The following DMD variants were observed in gnomAD, a reference collection of about 807,000 sequenced individuals.
DMD encodes mutant dystrophin.
DMD carries 63 observed loss-of-function variants against 330.1 expected under a neutral mutation model. The observed-to-expected ratio is 0.19, with a 90% CI of 0.16 to 0.24. The LOEUF (loss-of-function observed/expected upper bound fraction) is 0.24, where lower values mean the gene tolerates loss of function less well. Ranked by LOEUF, DMD falls within the 10% of genes least tolerant of loss-of-function variation. The pLI, the probability that DMD is intolerant of heterozygous loss-of-function variation, is 1.00. For synonymous variants in DMD, 1,223 were observed against 959.8 expected (o/e 1.27, Z -5.07); for missense variants, 3,344 against 2,684.1 (o/e 1.25, Z -5.43).
At chrX:32,442,352 A>G (rs1001443621) in intron 27 of DMD, among the ~76,000 whole-genome samples, 2 of 111,121 alleles carry the variant, frequency 1.8e-5, no homozygotes, top group African/African-American at 6.5e-5. Context: ...TAATGAAAAG[A>G]AAACCTGAAC....
Position 32,619,938 on chromosome X carries a change from C to A in DMD, c.1332-5485G>T, listed in dbSNP as rs918103538. Among the ~76,000 whole-genome samples, 7 of 111,059 alleles carry A rather than the reference C, an allele frequency of 6.3e-5. No homozygotes were observed. In the Admixed American group the frequency reaches 6.7e-4, roughly 11 times the overall value. On this transcript the variant is annotated intron_variant, in intron 11 of 78. Transcript: ENST00000357033. Reference sequence around the variant, plus strand: ...GCTGTAGTTTAAGAGGAACACAATTCCAGCCACTCCACAGTAAGAAACAGA... The same window carrying A: ...GCTGTAGTTTAAGAGGAACACAATTACAGCCACTCCACAGTAAGAAACAGA...
At chrX:31,970,321 A>G (rs1041293261) in intron 44 of DMD, among the ~76,000 whole-genome samples, 15 of 110,901 alleles carry the variant, frequency 1.4e-4, no homozygotes, top group Non-Finnish European at 2.5e-4. Flanking sequence ...CATCATCACC[A>G]TGGAGTCATT....
chrX:32,585,110 C>T (rs1261016000), intron 13 of DMD, among the ~76,000 whole-genome samples: 1 of 111,034 alleles, frequency 9.0e-6, no homozygotes, highest in Admixed American at 9.6e-5. Flanking sequence ...ACCACATGTT[C>T]TCATTCACAT....
intron 18 of DMD, among the ~76,000 whole-genome samples, chrX:32,512,539 T>G (rs953129477): frequency 1.1e-4 from 12 of 112,453 alleles, no homozygotes; most frequent in Non-Finnish European, 2.1e-4. Flanking sequence ...CACACACACA[T>G]AAAACCAAAG....
chrX:32,660,584 A>G (rs1343048871), intron 9 of DMD, among the ~76,000 whole-genome samples: 2 of 111,542 alleles, frequency 1.8e-5, no homozygotes, highest in Non-Finnish European at 3.8e-5. Flanking sequence ...CATTTTTAAA[A>G]TGCTCTCTCC....
intron 62 of DMD, among the ~76,000 whole-genome samples, chrX:31,299,302 C>G (rs1365588524): frequency 9.0e-6 from 1 of 110,778 alleles, no homozygotes; most frequent in Admixed American, 9.6e-5. Flanking sequence ...TAGAGTAGAA[C>G]AGTTGTATTT....
chrX:32,474,216 C>T (rs1222101585), intron 21 of DMD, among the ~76,000 whole-genome samples: 2 of 107,466 alleles, frequency 1.9e-5, no homozygotes, highest in African/African-American at 6.7e-5. Context: ...CATACACACA[C>T]ACACACACAC....
intron 60 of DMD, among the ~76,000 whole-genome samples, chrX:31,396,200 C>T (rs993648625): frequency 9.4e-6 from 1 of 105,846 alleles, no homozygotes; most frequent in African/African-American, 3.5e-5. Flanking sequence ...TGCAGTGGCG[C>T]GATCTCGGCT....
intron 47 of DMD, among the ~76,000 whole-genome samples, chrX:31,926,760 G>GT (rs1035821912): frequency 1.8e-5 from 2 of 111,808 alleles, no homozygotes; most frequent in African/African-American, 6.5e-5. Flanking sequence ...GCATATTAGA[G>GT]TTAGCTGTGG....
intron 55 of DMD, among the ~76,000 whole-genome samples, chrX:31,618,047 G>C (rs1172618580): frequency 9.0e-6 from 1 of 110,643 alleles, no homozygotes; most frequent in Non-Finnish European, 1.9e-5. Context: ...ACAAAGAAGG[G>C]AACAACAGAA....
intron 48 of DMD, among the ~76,000 whole-genome samples, chrX:31,871,643 C>T (rs1033047498): frequency 4.6e-5 from 5 of 109,415 alleles, no homozygotes; most frequent in African/African-American, 1.7e-4. Context: ...GAGCTAGGGG[C>T]GTGGCTGTTC....
chrX:32,292,302 C>CTTTTTT lies in DMD; in HGVS notation c.6118-4607_6118-4602dup, dbSNP rs10652780. Among the ~76,000 whole-genome samples, 35 of 62,902 alleles carry CTTTTTT rather than the reference C, an allele frequency of 5.6e-4. 5 individuals are homozygous for CTTTTTT. The highest frequency in any genetic ancestry group is 4.8e-3 in the Admixed American group (21 of 4,341). The allele number at this position is 62,902 out of a possible 115,157, so 54.6% of individuals were successfully genotyped here. ...AACAAATATCAACAAAGGGAATATT[C>CTTTTTT]TTTTTTTTTTTTTTTTGAGATGGAG... On this transcript the variant is annotated intron_variant, in intron 42 of 78. Coordinates refer to ENST00000357033, the MANE Select transcript of DMD (RefSeq NM_004006.3).
chrX:32,434,620 A>G (rs1324057691), intron 29 of DMD, among the ~76,000 whole-genome samples: 1 of 111,692 alleles, frequency 9.0e-6, no homozygotes, highest in Non-Finnish European at 1.9e-5. Context: ...AATTTATCCC[A>G]AGGCTTATTC....
At chrX:32,597,662 C>T (rs187298070) in intron 12 of DMD, among the ~76,000 whole-genome samples, 9 of 111,654 alleles carry the variant, frequency 8.1e-5, no homozygotes, top group Admixed American at 7.6e-4. Flanking sequence ...TGTCACAAAA[C>T]AGTATTTCCA....
At chrX:32,611,631 C>T (rs753029105) in intron 12 of DMD, among the ~76,000 whole-genome samples, 6 of 111,491 alleles carry the variant, frequency 5.4e-5, no homozygotes, top group South Asian at 3.7e-4. Flanking sequence ...GTCTGTTCAG[C>T]GTCCCAAGCT....
intron 2 of DMD, among the ~76,000 whole-genome samples, chrX:32,880,071 A>G (rs903735037): frequency 1.8e-5 from 2 of 111,214 alleles, no homozygotes; most frequent in African/African-American, 6.5e-5. Flanking sequence ...ATTCATCTCA[A>G]TTGAGCAAGG....
intron 1 of DMD, among the ~76,000 whole-genome samples, chrX:33,029,693 C>G (rs1342492842): frequency 6.2e-5 from 7 of 112,108 alleles, no homozygotes; most frequent in Non-Finnish European, 1.1e-4. Context: ...TTGCAATGCT[C>G]TATACATTGG....
At chrX:32,654,592 G>T (rs1408043347) in intron 9 of DMD, among the ~76,000 whole-genome samples, 2 of 105,955 alleles carry the variant, frequency 1.9e-5, no homozygotes, top group African/African-American at 7.5e-5. Context: ...GTTCATCAAG[G>T]ATATTGGTCT....
chrX:32,521,036 C>T (rs183428072), intron 17 of DMD, among the ~76,000 whole-genome samples: 1 of 111,442 alleles, frequency 9.0e-6, no homozygotes, highest in Non-Finnish European at 1.9e-5. Flanking sequence ...CCATCAGACC[C>T]GCATATGTAG....
Sources: gnomAD v4.1 joint callset for allele counts (sites outside exome capture counted in the v4.1 genomes callset) on GRCh38, gnomAD v4.1.1 for gene constraint, MANE v1.5 for transcripts, NCBI Gene and HGNC (gene_info 2026-07-23, HGNC 2026-07-21) for gene names.